Variants in KDM4B observed in about 807,000 individuals in gnomAD.
KDM4B encodes the protein lysine demethylase 4B.
A neutral mutation model predicts 125.2 loss-of-function variants in KDM4B; 32 were observed. The observed-to-expected ratio is 0.26, with a 90% CI of 0.19 to 0.34. The LOEUF is 0.34. Among genes scored for constraint, KDM4B ranks in the 10% least tolerant of loss-of-function variants. The pLI, the probability that KDM4B is intolerant of heterozygous loss-of-function variation, is 1.00. For missense variants in KDM4B, 1,190 were observed against 1,577.7 expected, an observed-to-expected ratio of 0.75 and a Z score of 4.16; for synonymous variants, 721 against 677.9, an observed-to-expected ratio of 1.06 and a Z score of -0.99.
chr19:4,977,126 C>T (rs1004610535), intron 1 of KDM4B, among the ~76,000 whole-genome samples: 67 of 152,076 alleles, frequency 4.4e-4, no homozygotes, highest in African/African-American at 1.5e-3. Context: ...TCTTTATCCA[C>T]CTCAGTGATC....
Position 5,152,383 on chromosome 19 carries a change from A to G in KDM4B, c.*872A>G, listed in dbSNP as rs1193150822. The G allele has an allele frequency of 2.0e-5, 3 of 152,244 alleles. No individual in the cohort carries two copies. Among genetic ancestry groups the G allele is most frequent in the African/African-American group, 4.8e-5 (2 of 41,464 alleles). 9.4% of individuals were successfully genotyped at this position (152,244 alleles called of 1,614,324 possible). A position where few individuals can be genotyped will look rare whatever the true frequency, so the allele number is the denominator to read the frequency against. On this transcript the variant is annotated 3_prime_UTR_variant, in exon 23 of 23. Transcript: ENST00000159111. ...ATCTTTGTTTCTCTCACCTGAGAGA[A>G]ACGCAGGTGTTCCAGAGGCTTCCTT...
At chr19:5,064,268 G>T (rs369723406) in intron 6 of KDM4B, among the ~76,000 whole-genome samples, 1 of 152,236 alleles carries the variant, frequency 6.6e-6, no homozygotes, top group Non-Finnish European at 1.5e-5. Context: ...TACTTCCAGC[G>T]TGACGTGCAC....
intron 6 of KDM4B, among the ~76,000 whole-genome samples, chr19:5,056,933 C>T (rs1369286065): frequency 6.6e-6 from 1 of 151,928 alleles, no homozygotes; most frequent in African/African-American, 2.4e-5. Context: ...TAGAGCCCTG[C>T]CTGTCCCGGG....
intron 8 of KDM4B, 73 bp downstream of exon 8, chr19:5,077,543 C>T (rs570690002): frequency 1.6e-6 from 2 of 1,250,840 alleles, no homozygotes; most frequent in Non-Finnish European, 2.3e-6. Context: ...GCCGCACATA[C>T]CCCAGGAGAT....
intron 2 of KDM4B, among the ~76,000 whole-genome samples, chr19:5,026,293 G>A (rs755383136): frequency 1.8e-4 from 27 of 151,752 alleles, no homozygotes; most frequent in Non-Finnish European, 3.7e-4. Context: ...CCAAAGTGCT[G>A]GGATTACAGG....
rs1377060987 is a variant in KDM4B at position 4,969,139 on chromosome 19, G to C, written c.-200G>C. On this transcript the variant is annotated 5_prime_UTR_variant, in exon 1 of 23. Coordinates refer to ENST00000159111, the MANE Select transcript of KDM4B (RefSeq NM_015015.3). Reference sequence around the variant, plus strand: ...GGGCTCGGTCGCCAGCAACCGAGCGGGGCCCGGCCCGAGCGGGGCCTGGGG... The same window carrying C: ...GGGCTCGGTCGCCAGCAACCGAGCGCGGCCCGGCCCGAGCGGGGCCTGGGG... 6.6e-6 allele frequency: 1 copy of C among 150,786 alleles called. No individual in the cohort carries two copies. The highest frequency in any genetic ancestry group is 2.0e-4 in the East Asian group (1 of 5,124). 9.3% of individuals were successfully genotyped at this position (150,786 alleles called of 1,614,324 possible).
chr19:4,994,798 G>T (rs887021412), intron 1 of KDM4B, among the ~76,000 whole-genome samples: 2 of 151,938 alleles, frequency 1.3e-5, no homozygotes. Flanking sequence ...TTTGCATTAA[G>T]TGAATATTTT....
rs555980437 is a variant in KDM4B, at chr19:5,011,936, C to T, written c.-108-4321C>T. Among the ~76,000 whole-genome samples, 316 of 152,302 alleles carry T rather than the reference C, an allele frequency of 2.1e-3. 2 individuals are homozygous for T. The highest frequency in any genetic ancestry group is 7.2e-3 in the African/African-American group (299 of 41,572). ...CTTCCGCCCCACCCGCGGGTCTTGGCGGAGGGGCTCACAGAGCCAGCACTG... is the reference window on the plus strand; with the variant it reads ...CTTCCGCCCCACCCGCGGGTCTTGGTGGAGGGGCTCACAGAGCCAGCACTG... On this transcript the variant is annotated intron_variant, in intron 1 of 22. Coordinates refer to ENST00000159111, the MANE Select transcript of KDM4B (RefSeq NM_015015.3).
At chr19:5,138,287 A>T (rs2039684391) in intron 18 of KDM4B, 1 of 569,594 alleles carries the variant, frequency 1.8e-6, no homozygotes, top group East Asian at 3.0e-5. Context: ...ATCAGAAGGC[A>T]TCAAGGGTGG....
At chr19:5,046,712 A>C (rs2037038023) in intron 5 of KDM4B, among the ~76,000 whole-genome samples, 1 of 152,176 alleles carries the variant, frequency 6.6e-6, no homozygotes, top group Non-Finnish European at 1.5e-5. Context: ...AGTTCTGAAA[A>C]CTGTCTTCGT....
chr19:5,131,567 A>T, intron 12 of KDM4B, 22 bp downstream of exon 12: 6 of 304,072 alleles, frequency 2.0e-5, no homozygotes, highest in Non-Finnish European at 1.9e-5. Flanking sequence ...CGGGGGAGGC[A>T]GGGAGGAGGG....
intron 6 of KDM4B, among the ~76,000 whole-genome samples, chr19:5,054,269 C>T (rs1402719384): frequency 6.6e-6 from 1 of 152,098 alleles, no homozygotes; most frequent in African/African-American, 2.4e-5. Flanking sequence ...TTTGTAGAGA[C>T]GGGGTCTCCC....
In KDM4B at chr19:4,969,249, CG is replaced by C. The variant is rs1278070332; in HGVS notation, c.-109+20del. 4 of 147,566 alleles carry C rather than the reference CG, an allele frequency of 2.7e-5. No individual in the cohort carries two copies. The highest frequency in any genetic ancestry group is 9.8e-5 in the African/African-American group (4 of 40,940). 9.1% of individuals were successfully genotyped at this position (147,566 alleles called of 1,614,324 possible). ...GCCTCAGGTGAGCCCACGGGGAGGC[CG>C]CCCGGCCGTGTCCGAGCGCGGACCC... On this transcript the variant is annotated intron_variant, in intron 1 of 22. Coordinates refer to ENST00000159111, the MANE Select transcript of KDM4B (RefSeq NM_015015.3).
intron 2 of KDM4B, among the ~76,000 whole-genome samples, chr19:5,028,723 A>G (rs1368882091): frequency 6.6e-6 from 1 of 152,074 alleles, no homozygotes; most frequent in Non-Finnish European, 1.5e-5. Flanking sequence ...ATTTCTCCAC[A>G]TCCCTGCCCA....
intron 11 of KDM4B, among the ~76,000 whole-genome samples, chr19:5,126,944 G>T (rs1409476122): frequency 6.6e-6 from 1 of 152,218 alleles, no homozygotes; most frequent in Non-Finnish European, 1.5e-5. Flanking sequence ...CTTGGAAATG[G>T]GTGGTTTCTT....
At chr19:5,038,491 A>G (rs2036701864) in intron 3 of KDM4B, among the ~76,000 whole-genome samples, 1 of 152,196 alleles carries the variant, frequency 6.6e-6, no homozygotes, top group Admixed American at 6.5e-5. Flanking sequence ...GTCTCGGTTT[A>G]ACTCTAAATT....
intron 9 of KDM4B, among the ~76,000 whole-genome samples, chr19:5,090,511 T>TCCCCCC (rs1265272024): frequency 3.5e-5 from 1 of 28,258 alleles, no homozygotes; most frequent in Non-Finnish European, 7.3e-5. Context: ...GCCCCCTCTC[T>TCCCCCC]CTCCCTCTCC....
chr19:5,147,481 C>T (rs2039871724), intron 21 of KDM4B, among the ~76,000 whole-genome samples: 1 of 152,116 alleles, frequency 6.6e-6, no homozygotes. Context: ...CGCGGGGGCT[C>T]ATGCTGTGAT....
intron 9 of KDM4B, among the ~76,000 whole-genome samples, chr19:5,083,254 G>A (rs1334681932): frequency 6.6e-6 from 1 of 152,238 alleles, no homozygotes; most frequent in Non-Finnish European, 1.5e-5. Flanking sequence ...GGAGGGTGTG[G>A]GAGGCTACTG....
Sources: allele counts gnomAD v4.1 joint callset (sites outside exome capture counted in the v4.1 genomes callset), GRCh38; gene constraint gnomAD v4.1.1; transcripts MANE v1.5; gene names NCBI Gene and HGNC (gene_info 2026-07-23, HGNC 2026-07-21).